The following CHD9 variants were observed in gnomAD, a reference collection of about 807,000 sequenced individuals.
The protein encoded by CHD9 is ATP-dependent chromatin remodeler CHD9.
CHD9 carries 77 observed loss-of-function variants against 316.1 expected under a neutral mutation model. The observed-to-expected ratio is 0.24, with a 90% CI of 0.20 to 0.29. The LOEUF (loss-of-function observed/expected upper bound fraction) is 0.29. Ranked by LOEUF, CHD9 falls within the 10% of genes least tolerant of loss-of-function variation. CHD9 has a pLI of 1.00. For synonymous variants in CHD9, 1,129 were observed against 1,158.3 expected (o/e 0.97, Z 0.51); for missense variants, 2,763 against 3,438.1 (o/e 0.80, Z 4.91).
chr16:53,313,883 G>A (rs984939077), intron 34 of CHD9, among the ~76,000 whole-genome samples: 1 of 151,562 alleles, frequency 6.6e-6, no homozygotes, highest in African/African-American at 2.4e-5. Context: ...AACCCAGGGG[G>A]CGGAGCTTGC....
At position 53,151,399 on chromosome 16, in the gene CHD9, G is replaced by A. The variant is rs541430434; in HGVS notation, c.-164-4527G>A. 3.8e-4 allele frequency among the ~76,000 whole-genome samples: 57 copies of A among 151,898 alleles called. No homozygotes were observed. In the South Asian group the frequency reaches 0.01, roughly 27 times the overall value. ...CTCCCAAGTAGCTGGGATTACAGGC[G>A]CCTGCCATCATGCCAGGCTAGTTTT... is the stretch of plus-strand genomic sequence containing the variant. On this transcript the variant is annotated intron_variant, in intron 1 of 38. Transcript: ENST00000447540.
In CHD9 at chr16:53,242,619, T is replaced by A. The variant is rs369022990; in HGVS notation, c.2878-221T>A. Among the ~76,000 whole-genome samples, 2 of 152,322 alleles carry A rather than the reference T, an allele frequency of 1.3e-5. 1 individual carries two copies. The highest frequency in any genetic ancestry group is 4.8e-5 in the African/African-American group (2 of 41,570). On this transcript the variant is annotated intron_variant, in intron 12 of 38. Transcript: ENST00000447540. ...AGAAATACTTATTAGGATACAATTA[T>A]GAATAATATAATTATGTTGGCATAA...
chr16:53,307,348 G>T (rs1354226584), intron 32 of CHD9, among the ~76,000 whole-genome samples: 1 of 151,810 alleles, frequency 6.6e-6, no homozygotes, highest in Non-Finnish European at 1.5e-5. Context: ...TTAATTTTTT[G>T]CAGAGACAGG....
At chr16:53,092,673 C>T (rs564131260) in intron 1 of CHD9, among the ~76,000 whole-genome samples, 33 of 152,196 alleles carry the variant, frequency 2.2e-4, no homozygotes, top group Middle Eastern at 6.8e-3. Context: ...GCAAAAGAAC[C>T]CCACTCTCCA....
In CHD9 at chr16:53,094,641, CT is replaced by C. The variant is rs902726569; in HGVS notation, c.-165+39580del. 1.3e-3 allele frequency among the ~76,000 whole-genome samples: 171 copies of C among 136,758 alleles called. 1 individual carries two copies. Among genetic ancestry groups the C allele is most frequent in the African/African-American group, 1.7e-3 (66 of 37,830 alleles). 89.7% of individuals were successfully genotyped at this position (136,758 alleles called of 152,430 possible). On this transcript the variant is annotated intron_variant, in intron 1 of 38. Transcript: ENST00000447540. ...AAGAGCAGGCTTTTGTTTACTTTTT[CT>C]TTTTTTTTTTTTTTTGAGATGGAGT...
chr16:53,172,106 A>G (rs2042800857), intron 2 of CHD9, among the ~76,000 whole-genome samples: 1 of 152,192 alleles, frequency 6.6e-6, no homozygotes, highest in Non-Finnish European at 1.5e-5. Context: ...ATATGTATAT[A>G]CCAGTGAAAT....
intron 2 of CHD9, among the ~76,000 whole-genome samples, chr16:53,179,878 C>T (rs1380432223): frequency 4.0e-5 from 6 of 148,386 alleles, no homozygotes; most frequent in African/African-American, 1.0e-4. Flanking sequence ...CCCTGGGCGA[C>T]GGAGTGAGAC....
At chr16:53,071,773 C>T (rs139951968) in intron 1 of CHD9, among the ~76,000 whole-genome samples, 305 of 152,280 alleles carry the variant, frequency 2.0e-3, no homozygotes, top group African/African-American at 6.7e-3. Context: ...TTCTGGCCCA[C>T]CTCGGTTTCA....
chr16:53,293,413 G>A (rs576201109), intron 29 of CHD9, among the ~76,000 whole-genome samples: 2 of 151,964 alleles, frequency 1.3e-5, no homozygotes, highest in South Asian at 2.1e-4. Context: ...TCAGGATTTC[G>A]AGACCAGCCC....
chr16:53,287,808 T>C (rs1195493921), intron 26 of CHD9, 149 bp from the exon 27 acceptor site: 8 of 632,640 alleles, frequency 1.3e-5, no homozygotes, highest in Non-Finnish European at 2.0e-5. Context: ...TATAACAGCC[T>C]TCCTGCTGTG....
intron 17 of CHD9, among the ~76,000 whole-genome samples, chr16:53,252,614 C>A (rs1437692729): frequency 6.6e-6 from 1 of 151,852 alleles, no homozygotes; most frequent in East Asian, 1.9e-4. Context: ...AAACAGACAA[C>A]CCACAGAGTG....
rs111294090 is a variant in CHD9, at chr16:53,236,718, C to T, written c.2633+1412C>T. Among the ~76,000 whole-genome samples the T allele has an allele frequency of 3.0e-3, 444 of 148,600 alleles. 6 individuals are homozygous for T. The highest frequency in any genetic ancestry group is 0.01 in the African/African-American group (417 of 40,352). On this transcript the variant is annotated intron_variant, in intron 11 of 38. Transcript: ENST00000447540. ...TGAAATATTTTTCAGCCCTAATTTG[C>T]TCTCTGCTTCATTGGTTAGTAGTTG... is the stretch of plus-strand genomic sequence containing the variant.
At chr16:53,171,723 G>A (rs1174022319) in intron 2 of CHD9, among the ~76,000 whole-genome samples, 1 of 151,818 alleles carries the variant, frequency 6.6e-6, no homozygotes, top group African/African-American at 2.4e-5. Flanking sequence ...GTGGTGATAC[G>A]CACCTGTAGT....
intron 3 of CHD9, among the ~76,000 whole-genome samples, chr16:53,210,308 A>T (rs1176965434): frequency 6.8e-6 from 1 of 147,408 alleles, no homozygotes; most frequent in Non-Finnish European, 1.5e-5. Flanking sequence ...AAAAAAAAAC[A>T]CTAATACCAT....
intron 3 of CHD9, among the ~76,000 whole-genome samples, chr16:53,214,364 T>C (rs2046571447): frequency 1.3e-5 from 2 of 152,160 alleles, no homozygotes; most frequent in Admixed American, 6.5e-5. Context: ...CTTGCAAGGT[T>C]TTCAAAATAA....
intron 3 of CHD9, among the ~76,000 whole-genome samples, chr16:53,212,593 A>G (rs1462813228): frequency 6.6e-6 from 1 of 152,162 alleles, no homozygotes. Flanking sequence ...TGTCACTTTT[A>G]CAGATTAACT....
Position 53,284,969 on chromosome 16 carries a change from G to A in CHD9, c.4968-627G>A, listed in dbSNP as rs900315160. On this transcript the variant is annotated intron_variant, in intron 24 of 38. Transcript: ENST00000447540. ...TTTAGTGGAGATGGGGTTTTGCCAC[G>A]TTGCCCAGGCTGGTCTTGTACTCCT... Among the ~76,000 whole-genome samples, 6 of 151,932 alleles carry A rather than the reference G, an allele frequency of 3.9e-5. No homozygotes were observed. In the East Asian group the frequency reaches 5.8e-4, roughly 15 times the overall value.
At chr16:53,139,747 G>A (rs1399436534) in intron 1 of CHD9, among the ~76,000 whole-genome samples, 1 of 152,178 alleles carries the variant, frequency 6.6e-6, no homozygotes, top group Non-Finnish European at 1.5e-5. Context: ...CTGCAAAGTA[G>A]ATGGTAATGA....
intron 2 of CHD9, among the ~76,000 whole-genome samples, chr16:53,164,201 C>T (rs2042113642): frequency 1.3e-5 from 2 of 152,164 alleles, no homozygotes; most frequent in South Asian, 4.1e-4. Context: ...AAGACCATGC[C>T]TCTCATGTTT....
Sources: allele counts gnomAD v4.1 joint callset (sites outside exome capture counted in the v4.1 genomes callset), GRCh38; gene constraint gnomAD v4.1.1; transcripts MANE v1.5; gene names NCBI Gene and HGNC (gene_info 2026-07-23, HGNC 2026-07-21).